The following ATP8A2 variants were observed in gnomAD, a reference collection of about 807,000 sequenced individuals.
ATP8A2 encodes ATPase phospholipid transporting 8A2.
A neutral mutation model predicts 165.6 loss-of-function variants in ATP8A2; 100 were observed. The ratio of observed to expected loss-of-function variants is 0.60; its 90% CI spans 0.51 to 0.71. The LOEUF is 0.71. Ranked by LOEUF, ATP8A2 falls within the 30% of genes least tolerant of loss-of-function variation. The pLI, the probability that ATP8A2 is intolerant of heterozygous loss-of-function variation, is 0.00. For missense variants in ATP8A2, 1,227 were observed against 1,479.5 expected (o/e 0.83, Z 2.80); for synonymous variants, 543 against 548.8 (o/e 0.99, Z 0.15).
At chr13:25,710,801 C>T (rs2043143264) in intron 25 of ATP8A2, among the ~76,000 whole-genome samples, 1 of 129,256 alleles carries the variant, frequency 7.7e-6, no homozygotes, top group Admixed American at 7.2e-5. Flanking sequence ...GCCTAGTAAA[C>T]TCCAAGGGAT....
chr13:25,897,654 C>T (rs531217884), intron 33 of ATP8A2, among the ~76,000 whole-genome samples: 6 of 152,190 alleles, frequency 3.9e-5, no homozygotes, highest in South Asian at 4.1e-4. Flanking sequence ...CCATTCTCCC[C>T]GTCACTTTCA....
intron 24 of ATP8A2, 47 bp from the exon 25 acceptor site, chr13:25,699,126 T>A: frequency 7.1e-7 from 1 of 1,407,900 alleles, no homozygotes; most frequent in East Asian, 2.4e-5. Flanking sequence ...TTGTTTTTGA[T>A]ATTAAACACA....
At chr13:25,830,010 ATTTT>A (rs1260599733) in intron 28 of ATP8A2, among the ~76,000 whole-genome samples, 3 of 138,932 alleles carry the variant, frequency 2.2e-5, no homozygotes, top group African/African-American at 5.3e-5. Context: ...AGTTTTTGCA[ATTTT>A]TTTTTTTTTT....
chr13:25,855,276 C>T (rs959072428), intron 30 of ATP8A2, among the ~76,000 whole-genome samples: 3 of 151,742 alleles, frequency 2.0e-5, no homozygotes, highest in Admixed American at 2.0e-4. Flanking sequence ...AAGAGTCACT[C>T]CCCATTTCTC....
chr13:25,525,537 T>A (rs188056922), intron 2 of ATP8A2, among the ~76,000 whole-genome samples: 19 of 152,296 alleles, frequency 1.2e-4, no homozygotes, highest in African/African-American at 4.6e-4. Flanking sequence ...GGGAAAGCCT[T>A]TATTTCTCCT....
intron 1 of ATP8A2, among the ~76,000 whole-genome samples, chr13:25,458,470 G>A (rs1023453444): frequency 2.0e-5 from 3 of 152,146 alleles, no homozygotes; most frequent in African/African-American, 7.2e-5. Flanking sequence ...CCGCCTCAGC[G>A]TCCTGAGTAG....
chr13:25,573,566 G>C (rs1289741952), intron 18 of ATP8A2, among the ~76,000 whole-genome samples: 1 of 152,132 alleles, frequency 6.6e-6, no homozygotes, highest in Non-Finnish European at 1.5e-5. Context: ...ACCAAGTCAG[G>C]AACAAATTCT....
rs531048610 is a variant in ATP8A2, at chr13:25,953,708, C to T, written c.3184-7867C>T. Among the ~76,000 whole-genome samples, 48 of 152,054 alleles carry T rather than the reference C, an allele frequency of 3.2e-4. No homozygotes were observed. Among genetic ancestry groups the T allele is most frequent in the Admixed American group, 2.1e-3 (32 of 15,276 alleles). On this transcript the variant is annotated intron_variant, in intron 33 of 36. Coordinates refer to ENST00000381655, the MANE Select transcript of ATP8A2 (RefSeq NM_016529.6). The surrounding 1 kb of genome is among the most constrained non-coding windows in gnomAD (Gnocchi z 6.7). Reference sequence around the variant, plus strand: ...TGGGTGCAGCCCACGGAGGGCAAGCCGAAGCAGGGTGGGGCGTTGCCTCAC... The same window carrying T: ...TGGGTGCAGCCCACGGAGGGCAAGCTGAAGCAGGGTGGGGCGTTGCCTCAC...
chr13:25,817,350 T>G (rs1218638142), intron 27 of ATP8A2, among the ~76,000 whole-genome samples: 4 of 105,518 alleles, frequency 3.8e-5, no homozygotes, highest in African/African-American at 6.0e-5. Flanking sequence ...TGGTCTTTTA[T>G]GGGGGGGGGG....
intron 25 of ATP8A2, among the ~76,000 whole-genome samples, chr13:25,755,988 G>C (rs928019026): frequency 6.6e-6 from 1 of 152,180 alleles, no homozygotes; most frequent in African/African-American, 2.4e-5. Flanking sequence ...GGACACGTCA[G>C]CCAAGACTTT....
At chr13:25,452,252 A>G (rs2035248782) in intron 1 of ATP8A2, among the ~76,000 whole-genome samples, 1 of 152,188 alleles carries the variant, frequency 6.6e-6, no homozygotes. Context: ...AGGGAATGGA[A>G]AAACGGGTGA....
intron 25 of ATP8A2, among the ~76,000 whole-genome samples, chr13:25,712,616 A>G (rs1388918698): frequency 2.6e-5 from 4 of 152,214 alleles, no homozygotes; most frequent in Non-Finnish European, 5.9e-5. Flanking sequence ...ATGATACATA[A>G]AAAGGATATC....
At chr13:25,859,772 T>C (rs1362521985) in intron 30 of ATP8A2, among the ~76,000 whole-genome samples, 1 of 152,192 alleles carries the variant, frequency 6.6e-6, no homozygotes, top group Admixed American at 6.5e-5. Context: ...TGTAGTTATC[T>C]TTTTATTGGT....
chr13:25,592,197 T>C (rs1031499811), intron 24 of ATP8A2, among the ~76,000 whole-genome samples: 4 of 63,942 alleles, frequency 6.3e-5, no homozygotes, highest in Non-Finnish European at 1.2e-4. Flanking sequence ...TTTGCCCATT[T>C]TTTAATCAGG....
intron 36 of ATP8A2, among the ~76,000 whole-genome samples, chr13:26,014,642 C>CA (rs768444766): frequency 1.3e-5 from 2 of 151,368 alleles, no homozygotes; most frequent in African/African-American, 4.8e-5. Flanking sequence ...GTTAAAAAAA[C>CA]AAAAAAACAA....
chr13:25,744,905 G>A (rs2043996134), intron 25 of ATP8A2, among the ~76,000 whole-genome samples: 1 of 151,470 alleles, frequency 6.6e-6, no homozygotes, highest in African/African-American at 2.5e-5. Context: ...ACATAGGGGA[G>A]CACTAGAGCA....
intron 33 of ATP8A2, among the ~76,000 whole-genome samples, chr13:25,912,590 T>C (rs1481904314): frequency 1.3e-5 from 2 of 152,240 alleles, no homozygotes; most frequent in Non-Finnish European, 2.9e-5. Context: ...GATATATTAA[T>C]TTGCTTGATT....
chr13:25,536,273 G>A (rs928647832), intron 6 of ATP8A2, among the ~76,000 whole-genome samples: 4 of 112,888 alleles, frequency 3.5e-5, no homozygotes, highest in South Asian at 5.4e-4. Context: ...CACCATGCCC[G>A]GTTAATTTTT....
At chr13:25,548,274 T>C (rs991050638) in intron 10 of ATP8A2, among the ~76,000 whole-genome samples, 9 of 152,136 alleles carry the variant, frequency 5.9e-5, no homozygotes, top group African/African-American at 2.2e-4. Context: ...TCATTGATCA[T>C]TGCAAGTAAA....
Sources: gnomAD v4.1 joint callset for allele counts (sites outside exome capture counted in the v4.1 genomes callset) on GRCh38, gnomAD v4.1.1 for gene constraint, Gnocchi (gnomAD v3.1) non-coding constraint, MANE v1.5 for transcripts, NCBI Gene and HGNC (gene_info 2026-07-23, HGNC 2026-07-21) for gene names.